Variants in NUP160 observed in about 807,000 individuals in gnomAD.
NUP160 encodes the protein nucleoporin 160.
Under a neutral mutation model 196.9 loss-of-function variants are expected in NUP160, and 94 were observed. That is an observed-to-expected ratio of 0.48 (90% CI 0.40 to 0.57). NUP160 has a LOEUF of 0.57. NUP160 is among the 20% of genes least tolerant of loss of function. The probability of loss-of-function intolerance (pLI) is 0.00; values close to 1 mark genes in which losing one functional copy is unlikely to be tolerated. For synonymous variants in NUP160, 605 were observed against 619.7 expected (o/e 0.98, Z 0.35); for missense variants, 1,638 against 1,748.3 (o/e 0.94, Z 1.13).
chr11:47,840,121 C>A, intron 3 of NUP160, 56 bp from the exon 4 acceptor site: 2 of 1,342,622 alleles, frequency 1.5e-6, no homozygotes, highest in Admixed American at 1.8e-5. Flanking sequence ...GAATTTTGCT[C>A]AGTTCCTCTC....
intron 31 of NUP160, 39 bp downstream of exon 31, chr11:47,788,143 G>C: frequency 6.5e-7 from 1 of 1,541,714 alleles, no homozygotes; most frequent in Non-Finnish European, 8.9e-7. Flanking sequence ...TAATATATTT[G>C]CATTAGAAAA....
intron 7 of NUP160, 130 bp from the exon 8 acceptor site, chr11:47,822,294 G>T: frequency 1.9e-6 from 1 of 513,346 alleles, no homozygotes; most frequent in African/African-American, 2.0e-5. Context: ...GTCTTGCTCT[G>T]TTGCCCAGGC....
chr11:47,778,211 G>A (rs1329175331), exon 36 of NUP160: 2 of 152,318 alleles, frequency 1.3e-5, no homozygotes, highest in African/African-American at 4.8e-5. Flanking sequence ...GGCTATACAA[G>A]CAAGTAGTAT....
Position 47,835,632 on chromosome 11 carries a change from T to C in NUP160, c.1101+19A>G. The C allele has an allele frequency of 6.5e-7, 1 of 1,539,730 alleles. No individual in the cohort carries two copies. Among genetic ancestry groups the C allele is most frequent in the African/African-American group, 1.4e-5 (1 of 72,840 alleles). On this transcript the variant is annotated intron_variant, in intron 7 of 35. Transcript: ENST00000378460. ...AGTACACACAGAATAACTTGGTATG[T>C]GTCTTATTTGTTTCATACCTGTCCT...
Position 47,806,239 on chromosome 11 carries a change from G to C in NUP160, c.2520C>G (p.Phe840Leu). ...GGCTCAGAGGTGCCTTTGGCTGAGA[G>C]AAGAGGTGAGATATAATGTGTTTTC... Residue 840 changes from phenylalanine to leucine, a missense_variant, in exon 20 of 36, where the codon TTC (phenylalanine) becomes TTG (leucine). Phe to Leu is a conservative substitution (Grantham distance 22, BLOSUM62 0). This residue lies in a region of NUP160 where 1,345 missense variants were observed against 1,470.2 expected (regional missense o/e 0.91). Transcript: ENST00000378460. 3.7e-6 allele frequency: 6 copies of C among 1,613,742 alleles called. No individual in the cohort carries two copies. The African/African-American group carries it at 5.3e-5, about 14-fold the overall frequency.
At chr11:47,799,323 T>A (rs2097672778) in intron 23 of NUP160, among the ~76,000 whole-genome samples, 1 of 152,056 alleles carries the variant, frequency 6.6e-6, no homozygotes, top group African/African-American at 2.4e-5. Context: ...TGACCTCAGG[T>A]GATCTGCCTG....
chr11:47,806,380 T>C, intron 19 of NUP160, 68 bp from the exon 20 acceptor site: 1 of 1,258,492 alleles, frequency 7.9e-7, no homozygotes, highest in Non-Finnish European at 1.1e-6. Flanking sequence ...AAATAGTCTA[T>C]CAATTCATTT....
chr11:47,782,530 T>C (rs1397469985), intron 34 of NUP160, among the ~76,000 whole-genome samples: 4 of 151,046 alleles, frequency 2.6e-5, no homozygotes, highest in Admixed American at 2.6e-4. Flanking sequence ...ACCTATAAAG[T>C]TGGGCAAAAT....
intron 23 of NUP160, among the ~76,000 whole-genome samples, chr11:47,800,972 G>A (rs778194832): frequency 1.5e-4 from 23 of 152,160 alleles, no homozygotes; most frequent in Admixed American, 1.5e-3. Context: ...GTGTGAGGAA[G>A]GGCATTTCAG....
At chr11:47,824,019 A>ATG (rs1851915329) in intron 7 of NUP160, among the ~76,000 whole-genome samples, 1 of 68,604 alleles carries the variant, frequency 1.5e-5, no homozygotes, top group African/African-American at 4.2e-5. Context: ...ATATATATAT[A>ATG]TATATATATA....
intron 7 of NUP160, among the ~76,000 whole-genome samples, chr11:47,822,592 C>G (rs1555004698): frequency 6.7e-6 from 1 of 150,280 alleles, no homozygotes; most frequent in Non-Finnish European, 1.5e-5. Context: ...TTTTTTAATA[C>G]TTTAAATTCT....
At chr11:47,799,570 G>A (rs926053275) in intron 23 of NUP160, among the ~76,000 whole-genome samples, 1 of 152,076 alleles carries the variant, frequency 6.6e-6, no homozygotes, top group Non-Finnish European at 1.5e-5. Flanking sequence ...TTTTGAGACA[G>A]GGTCCTGCTC....
At chr11:47,834,670 G>A (rs983034277) in intron 7 of NUP160, among the ~76,000 whole-genome samples, 1 of 152,150 alleles carries the variant, frequency 6.6e-6, no homozygotes, top group Non-Finnish European at 1.5e-5. Flanking sequence ...AGGTTGAAGA[G>A]AACATCGGTG....
chr11:47,837,420 A>G (rs776320403), intron 5 of NUP160, 125 bp downstream of exon 5: 13 of 739,892 alleles, frequency 1.8e-5, no homozygotes, highest in Non-Finnish European at 2.8e-5. Flanking sequence ...ATTTAATGTT[A>G]TTCTGACTGT....
intron 2 of NUP160, among the ~76,000 whole-genome samples, chr11:47,842,177 C>T (rs932102747): frequency 6.6e-6 from 1 of 152,052 alleles, no homozygotes; most frequent in African/African-American, 2.4e-5. Context: ...CATTCCTGTC[C>T]ATTTCTTCCC....
intron 11 of NUP160, among the ~76,000 whole-genome samples, chr11:47,817,687 C>T (rs1007836317): frequency 4.6e-5 from 7 of 152,016 alleles, no homozygotes; most frequent in African/African-American, 1.4e-4. Flanking sequence ...CTTCACTGTC[C>T]TAATAAAAAG....
chr11:47,827,739 C>T (rs1317616381), intron 7 of NUP160, among the ~76,000 whole-genome samples: 1 of 151,378 alleles, frequency 6.6e-6, no homozygotes, highest in Non-Finnish European at 1.5e-5. Context: ...CTTGCCACTT[C>T]TATTCAACAT....
chr11:47,847,802 A>G (rs373264243), intron 2 of NUP160, 46 bp downstream of exon 2: 5 of 1,383,246 alleles, frequency 3.6e-6, no homozygotes, highest in Non-Finnish European at 5.2e-6. Context: ...AAATTTATAC[A>G]CCAAACCCTA....
intron 27 of NUP160, among the ~76,000 whole-genome samples, chr11:47,793,653 C>T (rs2097669136): frequency 6.7e-6 from 1 of 149,702 alleles, no homozygotes; most frequent in Non-Finnish European, 1.5e-5. Flanking sequence ...TCCAAGTGTC[C>T]ATTGATGGAT....
Sources: allele counts gnomAD v4.1 joint callset (sites outside exome capture counted in the v4.1 genomes callset), GRCh38; gene constraint gnomAD v4.1.1; regional missense constraint gnomAD v4.1.1; transcripts MANE v1.5; gene names NCBI Gene and HGNC (gene_info 2026-07-23, HGNC 2026-07-21).